DPP6: variants seen among roughly 807,000 people sequenced by gnomAD.
DPP6 encodes A-type potassium channel modulatory protein DPP6.
In DPP6, 69 loss-of-function variants were observed where a neutral mutation model predicts 122.6. That is an observed-to-expected ratio of 0.56 (90% CI 0.46 to 0.69). The LOEUF (loss-of-function observed/expected upper bound fraction) is 0.69, where lower values mean the gene tolerates loss of function less well. DPP6 is among the 30% of genes least tolerant of loss of function. The pLI, the probability that DPP6 is intolerant of heterozygous loss-of-function variation, is 0.00. For synonymous variants in DPP6, 418 were observed against 433.1 expected (o/e 0.97, Z 0.43); for missense variants, 928 against 1,116.9 (o/e 0.83, Z 2.41).
rs1162220684 is a variant in DPP6 at position 154,607,561 on chromosome 7, CAAAAAAAAAAA to C, written c.628-30243_628-30233del. ...TGGGCGACAGAGCAAGACTCTGTCT[CAAAAAAAAAAA>C]AAAAAAAAAAAAAAAAGGAAAGAAA... On this transcript the variant is annotated intron_variant, in intron 5 of 25. Coordinates refer to ENST00000377770, the MANE Select transcript of DPP6 (RefSeq NM_130797.4). Among the ~76,000 whole-genome samples the C allele has an allele frequency of 1.3e-4, 3 of 22,380 alleles. 1 individual carries two copies. The highest frequency in any genetic ancestry group is 1.6e-4 in the Non-Finnish European group (2 of 12,744). The allele number at this position is 22,380 out of a possible 152,430, so 14.7% of individuals were successfully genotyped here. A position where few individuals can be genotyped will look rare whatever the true frequency, so the allele number is the denominator to read the frequency against.
chr7:154,687,365 G>C (rs575725325), intron 7 of DPP6, among the ~76,000 whole-genome samples: 7 of 152,162 alleles, frequency 4.6e-5, no homozygotes, highest in African/African-American at 1.4e-4. Flanking sequence ...TTACAGTTTT[G>C]CTATGTGCAT....
At chr7:154,444,241 A>C (rs2151285731) in intron 1 of DPP6, among the ~76,000 whole-genome samples, 1 of 152,142 alleles carries the variant, frequency 6.6e-6, no homozygotes, top group South Asian at 2.1e-4. Context: ...GCGGATCGCA[A>C]GGTCAGGAGA....
chr7:154,016,079 G>T (rs1210871853), intron 1 of DPP6, among the ~76,000 whole-genome samples: 1 of 152,072 alleles, frequency 6.6e-6, no homozygotes, highest in Non-Finnish European at 1.5e-5. Flanking sequence ...TTGCTCCTCT[G>T]CCCCGAAGGC....
intron 1 of DPP6, among the ~76,000 whole-genome samples, chr7:154,328,102 C>T (rs1206399062): frequency 6.6e-6 from 1 of 152,154 alleles, no homozygotes; most frequent in Non-Finnish European, 1.5e-5. Flanking sequence ...GGCCTCAGAA[C>T]CACAGAACTC....
chr7:154,495,136 A>C (rs529953110), intron 3 of DPP6, among the ~76,000 whole-genome samples: 6 of 152,336 alleles, frequency 3.9e-5, no homozygotes, highest in African/African-American at 1.4e-4. Flanking sequence ...GAGTTGTGGC[A>C]TATCCAGAAA....
the DPP6 span, among the ~76,000 whole-genome samples, chr7:153,871,037 G>A: frequency 2.0e-5 from 3 of 152,196 alleles, no homozygotes; most frequent in South Asian, 2.1e-4. Context: ...GTACCCGGCC[G>A]TGTGAGGTGT....
chr7:154,488,404 G>T (rs1396101812), intron 3 of DPP6, among the ~76,000 whole-genome samples: 2 of 151,740 alleles, frequency 1.3e-5, no homozygotes, highest in African/African-American at 2.4e-5. Flanking sequence ...AGCCAAGATT[G>T]CGTCACTGCA....
intron 1 of DPP6, among the ~76,000 whole-genome samples, chr7:154,147,464 TCC>T (rs1796154313): frequency 2.0e-5 from 3 of 148,478 alleles, no homozygotes; most frequent in Admixed American, 6.6e-5. Flanking sequence ...CTTCCTTCCT[TCC>T]TTCCTTCCTT....
At chr7:153,871,746 C>T in the DPP6 span, among the ~76,000 whole-genome samples, 10 of 152,328 alleles carry the variant, frequency 6.6e-5, no homozygotes, top group African/African-American at 2.2e-4. Flanking sequence ...GCGTCGCTCA[C>T]GCTGGGAGCT....
At position 154,241,832 on chromosome 7, in the gene DPP6, C is replaced by T. The variant is rs1801639886; in HGVS notation, c.243+188769C>T. Among the ~76,000 whole-genome samples the T allele has an allele frequency of 6.6e-6, 1 of 152,302 alleles. No individual in the cohort carries two copies. The highest frequency in any genetic ancestry group is 1.5e-5 in the Non-Finnish European group (1 of 68,024). On this transcript the variant is annotated intron_variant, in intron 1 of 25. Coordinates refer to ENST00000377770, the MANE Select transcript of DPP6 (RefSeq NM_130797.4). The surrounding 1 kb of genome is among the most constrained non-coding windows in gnomAD (Gnocchi z 9.0). ...GAAAAGAGCCATTTCTTCCATTTCT[C>T]TAAAACATAGCCCTGTGTCATCTCT...
At chr7:154,027,638 C>T (rs1165834836) in intron 1 of DPP6, among the ~76,000 whole-genome samples, 1 of 152,006 alleles carries the variant, frequency 6.6e-6, no homozygotes, top group African/African-American at 2.4e-5. Context: ...ATTAAATAGT[C>T]GATGCCACTC....
At chr7:154,542,707 G>A (rs990523077) in intron 4 of DPP6, among the ~76,000 whole-genome samples, 1 of 151,980 alleles carries the variant, frequency 6.6e-6, no homozygotes, top group Non-Finnish European at 1.5e-5. Flanking sequence ...CATTTATTAA[G>A]CACCAAATAT....
intron 1 of DPP6, among the ~76,000 whole-genome samples, chr7:154,334,502 G>T (rs573013577): frequency 4.6e-5 from 7 of 152,320 alleles, no homozygotes; most frequent in Admixed American, 2.0e-4. Flanking sequence ...GCGTGGAAAA[G>T]CCAAGATGCC....
At chr7:154,140,519 C>T (rs1795792862) in intron 1 of DPP6, among the ~76,000 whole-genome samples, 1 of 152,158 alleles carries the variant, frequency 6.6e-6, no homozygotes, top group South Asian at 2.1e-4. Flanking sequence ...TGAGGTCTCA[C>T]TATGTTGCCC....
chr7:153,771,832 G>A, the DPP6 span, among the ~76,000 whole-genome samples: 1 of 152,080 alleles, frequency 6.6e-6, no homozygotes, highest in Non-Finnish European at 1.5e-5. Flanking sequence ...ATTCCTTGAG[G>A]CAGAAGGAAT....
intron 1 of DPP6, among the ~76,000 whole-genome samples, chr7:154,106,951 T>A (rs1426409609): frequency 1.3e-5 from 2 of 151,982 alleles, no homozygotes; most frequent in Non-Finnish European, 2.9e-5. Flanking sequence ...GGCGAGGATA[T>A]GGAGAGAAGG....
chr7:154,575,224 GGTGT>G (rs1211385129), intron 5 of DPP6, among the ~76,000 whole-genome samples: 1,308 of 121,236 alleles, frequency 0.011, 9 homozygotes, highest in Non-Finnish European at 0.016. Flanking sequence ...TGTGTGGTGT[GGTGT>G]GTGTGTGGTG....
At chr7:154,627,015 T>C (rs1222311405) in intron 5 of DPP6, among the ~76,000 whole-genome samples, 1 of 115,628 alleles carries the variant, frequency 8.6e-6, no homozygotes, top group African/African-American at 3.4e-5. Context: ...TTTTTTTTTT[T>C]TTTTTTTTTT....
intron 1 of DPP6, among the ~76,000 whole-genome samples, chr7:154,305,998 G>C (rs1447585713): frequency 1.3e-5 from 2 of 152,186 alleles, no homozygotes; most frequent in African/African-American, 4.8e-5. Flanking sequence ...ACAGGACTTT[G>C]CTTTGGTTCT....
Sources: allele counts gnomAD v4.1 joint callset (sites outside exome capture counted in the v4.1 genomes callset), GRCh38; gene constraint gnomAD v4.1.1; non-coding constraint Gnocchi (gnomAD v3.1); transcripts MANE v1.5; gene names NCBI Gene and HGNC (gene_info 2026-07-23, HGNC 2026-07-21).